SUPT3H: variants seen among roughly 807,000 people sequenced by gnomAD.
SUPT3H encodes SPT3 homolog, SAGA and STAGA complex component, also known as transcription initiation protein SPT3 homolog.
SUPT3H carries 44 observed loss-of-function variants against 44.3 expected under a neutral mutation model. That is an observed-to-expected ratio of 0.99 (90% CI 0.78 to 1.28). The LOEUF is 1.28. Among genes scored for constraint, SUPT3H ranks in the 50% most tolerant of loss-of-function variants. The pLI is 0.00. For missense variants in SUPT3H, 380 were observed against 387.1 expected (o/e 0.98, Z 0.15); for synonymous variants, 124 against 125.6 (o/e 0.99, Z 0.09).
chr6:45,183,401 C>CAT (rs1183696590), intron 2 of SUPT3H, among the ~76,000 whole-genome samples: 1 of 152,018 alleles, frequency 6.6e-6, no homozygotes, highest in African/African-American at 2.4e-5. Context: ...AAGTAATGTA[C>CAT]ATAAGTAACT....
At chr6:44,980,332 CAT>C (rs899594860) in intron 6 of SUPT3H, among the ~76,000 whole-genome samples, 8 of 151,322 alleles carry the variant, frequency 5.3e-5, no homozygotes, top group Non-Finnish European at 1.2e-4. Flanking sequence ...TGTGAAACAA[CAT>C]ATAACAAAAT....
chr6:44,824,136 T>G (rs961795764), downstream of SUPT3H, among the ~76,000 whole-genome samples: 13 of 152,248 alleles, frequency 8.5e-5, no homozygotes, highest in Non-Finnish European at 5.9e-5. Flanking sequence ...ATCTTGCTTA[T>G]GTAGCTGTGT....
intron 10 of SUPT3H, among the ~76,000 whole-genome samples, chr6:44,918,005 T>C (rs1768080535): frequency 6.6e-6 from 1 of 152,168 alleles, no homozygotes; most frequent in Non-Finnish European, 1.5e-5. Flanking sequence ...GGGGGTAATC[T>C]AGTGATACAG....
chr6:44,884,050 G>C (rs1334637154), intron 10 of SUPT3H, among the ~76,000 whole-genome samples: 2 of 152,250 alleles, frequency 1.3e-5, no homozygotes, highest in African/African-American at 4.8e-5. Context: ...CACAGTGAAA[G>C]AAACTCATCA....
intron 1 of SUPT3H, 44 bp from the exon 2 acceptor site, chr6:45,365,345 A>G (rs755621691): frequency 7.1e-6 from 9 of 1,274,256 alleles, no homozygotes; most frequent in South Asian, 2.6e-5. Context: ...GTACCTAGCT[A>G]TAAGTAAATG....
In SUPT3H at chr6:45,296,738, C is replaced by CAAAAAAAAA. The variant is rs60921436; in HGVS notation, c.101+68454_101+68462dup. 6.7e-4 allele frequency among the ~76,000 whole-genome samples: 20 copies of CAAAAAAAAA among 29,698 alleles called. 3 individuals are homozygous for CAAAAAAAAA. Among genetic ancestry groups the CAAAAAAAAA allele is most frequent in the Non-Finnish European group, 8.8e-4 (13 of 14,832 alleles). 19.5% of individuals were successfully genotyped at this position (29,698 alleles called of 152,430 possible). On this transcript the variant is annotated intron_variant, in intron 2 of 10. Coordinates refer to ENST00000371459, the MANE Select transcript of SUPT3H (RefSeq NM_003599.4). ...TGGCCAACAGAGTAAGACTCTGTCTCAAAAAAAAAAAAAAAAAAAAAAAAA... is the reference window on the plus strand; with the variant it reads ...TGGCCAACAGAGTAAGACTCTGTCTCAAAAAAAAAAAAAAAAAAAAAAAAAAAAAAAAAA...
chr6:45,003,326 A>G lies in SUPT3H; in HGVS notation c.504+327T>C, dbSNP rs192042177. Among the ~76,000 whole-genome samples the G allele has an allele frequency of 2.2e-3, 330 of 152,306 alleles. 1 individual carries two copies. The highest frequency in any genetic ancestry group is 7.6e-3 in the African/African-American group (316 of 41,558). ...TTTTGTTTACAAATAAAACTGGATG[A>G]TTTGAAACAAGAAAGGTAAATATTT... On this transcript the variant is annotated intron_variant, in intron 6 of 10. Coordinates refer to ENST00000371459, the MANE Select transcript of SUPT3H (RefSeq NM_003599.4).
chr6:45,296,738 CAAAAAAAAAAAAA>C (rs60921436), intron 2 of SUPT3H, among the ~76,000 whole-genome samples: 1 of 29,710 alleles, frequency 3.4e-5, no homozygotes, highest in African/African-American at 9.6e-5. Context: ...GACTCTGTCT[CAAAAAAAAAAAAA>C]AAAAAAAAAA....
At chr6:45,202,009 A>C (rs1762525013) in intron 2 of SUPT3H, among the ~76,000 whole-genome samples, 1 of 151,892 alleles carries the variant, frequency 6.6e-6, no homozygotes, top group Admixed American at 6.6e-5. Context: ...GTGATTTCCA[A>C]AGTTAGGAAA....
In SUPT3H at chr6:45,242,674, T is replaced by C. The variant is rs191274697; in HGVS notation, c.101+122527A>G. 5.2e-3 allele frequency among the ~76,000 whole-genome samples: 787 copies of C among 152,280 alleles called. 8 individuals carry two copies. Among genetic ancestry groups the C allele is most frequent in the Non-Finnish European group, 6.5e-3 (440 of 68,026 alleles). ...AACTCAACAAGATCAAGTGTATCTA[T>C]AACTAATCTATAATTAAATTGCCTG... On this transcript the variant is annotated intron_variant, in intron 2 of 10. Coordinates refer to ENST00000371459, the MANE Select transcript of SUPT3H (RefSeq NM_003599.4).
At chr6:45,182,770 A>T (rs1813516677) in intron 2 of SUPT3H, among the ~76,000 whole-genome samples, 1 of 152,232 alleles carries the variant, frequency 6.6e-6, no homozygotes, top group Admixed American at 6.5e-5. Context: ...ACACACAGAA[A>T]CACAATGAGA....
At chr6:44,887,407 TAACA>T (rs1333300450) in intron 10 of SUPT3H, among the ~76,000 whole-genome samples, 2 of 152,238 alleles carry the variant, frequency 1.3e-5, no homozygotes, top group East Asian at 1.9e-4. Context: ...ACAGAAATTA[TAACA>T]AACTGTCTCT....
At chr6:44,858,054 C>T (rs553891440) in intron 10 of SUPT3H, among the ~76,000 whole-genome samples, 8 of 152,270 alleles carry the variant, frequency 5.3e-5, no homozygotes, top group African/African-American at 2.4e-5. Context: ...GGAAGCCTTC[C>T]CTGATCATTA....
At chr6:45,260,732 C>G (rs1470990185) in intron 2 of SUPT3H, among the ~76,000 whole-genome samples, 8 of 152,160 alleles carry the variant, frequency 5.3e-5, no homozygotes, top group African/African-American at 1.9e-4. Flanking sequence ...ATAAAAAGCT[C>G]CTGAAAATCC....
rs751408646 is a variant in SUPT3H, at chr6:45,020,598, C to T, written c.221G>A (p.Gly74Glu). Reference protein sequence around the residue: ...QQAAEVSQLRGARVITPEDLL... With the variant: ...QQAAEVSQLREARVITPEDLL... ...ATCTTCAGGAGTGATTACCCTTGCT[C>T]CCCGCAGCTGAGAAACTTCAGCAGC... The change falls in exon 4 of 11, where the codon GGA becomes GAA. Residue 74 changes from glycine (G) to glutamate (E), a missense_variant. Physicochemically the swap from Gly to Glu is moderately conservative, Grantham distance 98. Transcript: ENST00000371459. The T allele has an allele frequency of 6.2e-6, 10 of 1,611,538 alleles. No homozygotes were observed. Among genetic ancestry groups the T allele is most frequent in the Non-Finnish European group, 1.7e-6 (2 of 1,178,440 alleles).
intron 6 of SUPT3H, among the ~76,000 whole-genome samples, chr6:44,965,408 T>G (rs754798857): frequency 7.9e-5 from 12 of 152,208 alleles, no homozygotes; most frequent in Non-Finnish European, 1.3e-4. Flanking sequence ...GTACTAATAC[T>G]AATGTCCTTG....
intron 10 of SUPT3H, among the ~76,000 whole-genome samples, chr6:44,860,649 A>T (rs1774498685): frequency 6.6e-6 from 1 of 152,188 alleles, no homozygotes; most frequent in Non-Finnish European, 1.5e-5. Flanking sequence ...ACTTAATGGC[A>T]AGTGATTTCA....
intron 10 of SUPT3H, among the ~76,000 whole-genome samples, chr6:44,830,157 T>G (rs948988738): frequency 6.6e-6 from 1 of 152,220 alleles, no homozygotes; most frequent in African/African-American, 2.4e-5. Context: ...GTATTGAATC[T>G]GTTTGTCTTT....
At chr6:45,256,549 C>T (rs920061305) in intron 2 of SUPT3H, among the ~76,000 whole-genome samples, 5 of 152,114 alleles carry the variant, frequency 3.3e-5, no homozygotes, top group Non-Finnish European at 5.9e-5. Flanking sequence ...TGGAAGGACA[C>T]AAACATCCTG....
Sources: gnomAD v4.1 joint callset for allele counts (sites outside exome capture counted in the v4.1 genomes callset) on GRCh38, gnomAD v4.1.1 for gene constraint, MANE v1.5 for transcripts, NCBI Gene and HGNC (gene_info 2026-07-23, HGNC 2026-07-21) for gene names.